Variants in SULT2B1 observed in about 807,000 individuals in gnomAD.
SULT2B1 encodes sulfotransferase family 2B member 1, also known as sulfotransferase 2B1.
SULT2B1 carries 16 observed loss-of-function variants against 33.2 expected under a neutral mutation model. The ratio of observed to expected loss-of-function variants is 0.48; its 90% CI spans 0.33 to 0.73. SULT2B1 has a LOEUF of 0.73. Ranked by LOEUF, SULT2B1 falls within the 30% of genes least tolerant of loss-of-function variation. The pLI, the probability that SULT2B1 is intolerant of heterozygous loss-of-function variation, is 0.02. For synonymous variants in SULT2B1, 186 were observed against 200.5 expected (o/e 0.93, Z 0.61); for missense variants, 500 against 506.0 (o/e 0.99, Z 0.11).
chr19:48,558,964 G>A (rs1249212894), intron 1 of SULT2B1, among the ~76,000 whole-genome samples: 1 of 152,070 alleles, frequency 6.6e-6, no homozygotes, highest in African/African-American at 2.4e-5. Context: ...GGGATTACAG[G>A]TGTGAGCCAC....
At chr19:48,571,309 G>T (rs1024348601) in intron 1 of SULT2B1, among the ~76,000 whole-genome samples, 17 of 151,918 alleles carry the variant, frequency 1.1e-4, no homozygotes, top group African/African-American at 2.9e-4. Flanking sequence ...CGATTCTCCT[G>T]CCTCAGCCTC....
chr19:48,570,730 GT>G (rs72229918), intron 1 of SULT2B1, among the ~76,000 whole-genome samples: 97,734 of 150,262 alleles, frequency 0.65, 32,406 homozygotes, highest in African/African-American at 0.75. Flanking sequence ...TTTTGTTTTT[GT>G]TTTTTTTTTC....
chr19:48,597,811 T>C (rs1221574610), intron 6 of SULT2B1, among the ~76,000 whole-genome samples: 2 of 151,540 alleles, frequency 1.3e-5, no homozygotes, highest in African/African-American at 4.9e-5. Context: ...GCCTGGCTAA[T>C]TTTTTGTATT....
chr19:48,584,541 C>G (rs58265481), intron 2 of SULT2B1, among the ~76,000 whole-genome samples: 35,628 of 151,982 alleles, frequency 0.23, 5,536 homozygotes, highest in African/African-American at 0.45. Context: ...ACAAAAACGG[C>G]AGAGAGGCAT....
intron 2 of SULT2B1, 124 bp from the exon 3 acceptor site, chr19:48,587,105 C>T (rs1488346685): frequency 2.9e-5 from 18 of 626,326 alleles, no homozygotes; most frequent in Non-Finnish European, 4.0e-5. Context: ...GAGTAAGACT[C>T]TGTCTTAAAA....
intron 2 of SULT2B1, among the ~76,000 whole-genome samples, chr19:48,577,468 C>T (rs1007480980): frequency 7.1e-6 from 1 of 141,300 alleles, no homozygotes; most frequent in African/African-American, 2.6e-5. Flanking sequence ...TGGGTTCAAG[C>T]GATTCTCCTG....
At chr19:48,553,683 C>A (rs554690881) in intron 1 of SULT2B1, among the ~76,000 whole-genome samples, 95 of 152,234 alleles carry the variant, frequency 6.2e-4, no homozygotes, top group Non-Finnish European at 1.1e-3. Flanking sequence ...CATGAAGAGG[C>A]CTTCCTGGGT....
At chr19:48,588,649 G>C (rs1320200253) in intron 3 of SULT2B1, among the ~76,000 whole-genome samples, 2 of 151,640 alleles carry the variant, frequency 1.3e-5, no homozygotes, top group African/African-American at 4.8e-5. Context: ...TAAAATGTCT[G>C]ATGGGATAAA....
chr19:48,581,579 T>A (rs1973488666), intron 2 of SULT2B1, among the ~76,000 whole-genome samples: 2 of 146,462 alleles, frequency 1.4e-5, no homozygotes, highest in Non-Finnish European at 1.5e-5. Context: ...TGCCTCAGCC[T>A]CCCGAGTAGC....
rs1195215929 is a variant in SULT2B1, at chr19:48,571,650, A to AC, written c.72-4289dup. 1.8e-4 allele frequency among the ~76,000 whole-genome samples: 17 copies of AC among 95,110 alleles called. No individual in the cohort carries two copies. In the South Asian group the frequency reaches 6.2e-3, roughly 35 times the overall value. The allele number at this position is 95,110 out of a possible 152,430, so 62.4% of individuals were successfully genotyped here. A position where few individuals can be genotyped will look rare whatever the true frequency, so the allele number is the denominator to read the frequency against. On this transcript the variant is annotated intron_variant, in intron 1 of 6. Coordinates refer to ENST00000201586, the MANE Select transcript of SULT2B1 (RefSeq NM_177973.2). ...CAGAACAATAACAAAAGAAAAAAAC[A>AC]CCAGATTTTTTTAAATTCCCAGGCT...
At chr19:48,565,940 T>A (rs890164762) in intron 1 of SULT2B1, among the ~76,000 whole-genome samples, 2 of 143,090 alleles carry the variant, frequency 1.4e-5, no homozygotes, top group Non-Finnish European at 3.0e-5. Flanking sequence ...TTAGACGGAG[T>A]CTCACTCTGT....
chr19:48,599,163 C>T lies in SULT2B1; in HGVS notation c.855C>T (p.Phe285=), dbSNP rs1973763903. 6.3e-7 allele frequency: 1 copy of T among 1,593,478 alleles called. No individual in the cohort carries two copies. Among genetic ancestry groups the T allele is most frequent in the Admixed American group, 1.7e-5 (1 of 58,072 alleles). ...TCTGCGGCGACTGGAAGAACCACTT[C>T]ACGGTGGCCCAGAGCGAAGCCTTCG... ...KGVCGDWKNH[F]TVAQSEAFDR... Residue 285 remains phenylalanine, a synonymous_variant, in exon 7 of 7, where the codon TTC becomes TTT. Transcript: ENST00000201586. This position sits in a 1 kb window ranked among gnomAD's most constrained non-coding sequence, Gnocchi z 4.1.
intron 2 of SULT2B1, among the ~76,000 whole-genome samples, chr19:48,581,757 G>A (rs536260218): frequency 2.7e-5 from 4 of 150,756 alleles, no homozygotes; most frequent in East Asian, 4.0e-4. Flanking sequence ...GTGCCCGGCC[G>A]AGAGTTCTTT....
intron 5 of SULT2B1, among the ~76,000 whole-genome samples, chr19:48,594,295 A>G (rs561016397): frequency 3.3e-5 from 5 of 152,284 alleles, no homozygotes; most frequent in African/African-American, 1.2e-4. Context: ...AGGTAATTTT[A>G]TATGGTTTTC....
At chr19:48,587,888 C>G (rs1192769568) in intron 3 of SULT2B1, among the ~76,000 whole-genome samples, 1 of 53,560 alleles carries the variant, frequency 1.9e-5, no homozygotes, top group African/African-American at 8.8e-5. Flanking sequence ...GCAAGACTGT[C>G]TCAAAAAAAA....
At chr19:48,570,415 G>A (rs1973305465) in intron 1 of SULT2B1, among the ~76,000 whole-genome samples, 1 of 152,132 alleles carries the variant, frequency 6.6e-6, no homozygotes, top group Non-Finnish European at 1.5e-5. Context: ...CTGACCTCAG[G>A]TGATTTGCCT....
chr19:48,591,542 G>C, intron 3 of SULT2B1, 67 bp from the exon 4 acceptor site: 2 of 1,543,962 alleles, frequency 1.3e-6, no homozygotes, highest in Non-Finnish European at 1.7e-6. Flanking sequence ...CAGGGCAGGA[G>C]GCCTCAGGGG....
intron 6 of SULT2B1, 101 bp downstream of exon 6, chr19:48,597,020 G>C (rs1026648315): frequency 1.6e-6 from 2 of 1,249,234 alleles, no homozygotes; most frequent in South Asian, 1.5e-5. Flanking sequence ...TCACCCAGCT[G>C]TAACATTGGG....
chr19:48,562,101 A>C lies in SULT2B1; in HGVS notation c.71+9778A>C, dbSNP rs145247263. Reference sequence around the variant, plus strand: ...CCCTGTCTCTACTAAAAATACAAAAATTAGGTCAGGTGTGGTGGCTTATGC... The same window carrying C: ...CCCTGTCTCTACTAAAAATACAAAACTTAGGTCAGGTGTGGTGGCTTATGC... On this transcript the variant is annotated intron_variant, in intron 1 of 6. Transcript: ENST00000201586. Among the ~76,000 whole-genome samples, 658 of 151,214 alleles carry C rather than the reference A, an allele frequency of 4.4e-3. 3 individuals carry two copies. The highest frequency in any genetic ancestry group is 7.5e-3 in the Non-Finnish European group (512 of 67,852).
Sources: gnomAD v4.1 joint callset for allele counts (sites outside exome capture counted in the v4.1 genomes callset) on GRCh38, gnomAD v4.1.1 for gene constraint, Gnocchi (gnomAD v3.1) non-coding constraint, MANE v1.5 for transcripts, NCBI Gene and HGNC (gene_info 2026-07-23, HGNC 2026-07-21) for gene names.